STAG1: variants seen among roughly 807,000 people sequenced by gnomAD.
The protein encoded by STAG1 is STAG1 cohesin complex component.
STAG1 carries 26 observed loss-of-function variants against 170.9 expected under a neutral mutation model. That is an observed-to-expected ratio of 0.15 (90% CI 0.11 to 0.21). STAG1 has a LOEUF of 0.21. STAG1 is among the 10% of genes least tolerant of loss of function. The pLI, the probability that STAG1 is intolerant of heterozygous loss-of-function variation, is 1.00. For missense variants in STAG1, 964 were observed against 1,509.5 expected (o/e 0.64, Z 5.99); for synonymous variants, 514 against 497.7 (o/e 1.03, Z -0.44).
chr3:136,528,503 C>CCG (rs1553740667), intron 6 of STAG1, among the ~76,000 whole-genome samples: 2 of 125,278 alleles, frequency 1.6e-5, no homozygotes, highest in South Asian at 2.2e-4. Context: ...CACCCCCCCC[C>CCG]CCAAAAAATC....
At chr3:136,492,307 A>G (rs542977196) in intron 9 of STAG1, among the ~76,000 whole-genome samples, 27 of 152,374 alleles carry the variant, frequency 1.8e-4, no homozygotes, top group Admixed American at 1.8e-3. Context: ...CTGATTAAAT[A>G]AAATGTAAAT....
intron 1 of STAG1, among the ~76,000 whole-genome samples, chr3:136,652,120 T>C (rs756556088): frequency 3.3e-5 from 5 of 152,158 alleles, no homozygotes; most frequent in African/African-American, 4.8e-5. Context: ...AAAAAGTAAA[T>C]GTGTTTTCAT....
At chr3:136,433,800 A>T (rs1559798908) in intron 15 of STAG1, 141 bp from the exon 16 acceptor site, 14 of 503,998 alleles carry the variant, frequency 2.8e-5, no homozygotes, top group Non-Finnish European at 6.8e-6. Context: ...GTACTTTGCT[A>T]TTTTTTTTTT....
chr3:136,610,310 C>T (rs1360663857), intron 3 of STAG1, among the ~76,000 whole-genome samples: 1 of 152,170 alleles, frequency 6.6e-6, no homozygotes, highest in East Asian at 1.9e-4. Flanking sequence ...GCTGGGATTA[C>T]AGGTGTAAGC....
chr3:136,664,952 G>C (rs1941705223), intron 1 of STAG1, among the ~76,000 whole-genome samples: 1 of 152,178 alleles, frequency 6.6e-6, no homozygotes, highest in Admixed American at 6.5e-5. Flanking sequence ...CAAGCCCAGA[G>C]GGTGAAACTG....
At chr3:136,737,179 T>C (rs1483330609) in intron 1 of STAG1, 2 of 741,046 alleles carry the variant, frequency 2.7e-6, no homozygotes, top group Non-Finnish European at 5.0e-6. Context: ...TAGAAGGTCA[T>C]AAATGCTGCC....
chr3:136,370,365 ATAT>A (rs1489253759), intron 23 of STAG1, among the ~76,000 whole-genome samples: 1 of 151,796 alleles, frequency 6.6e-6, no homozygotes. Flanking sequence ...TTTTATTATT[ATAT>A]TATTATTATA....
At chr3:136,665,430 T>C (rs1019435658) in intron 1 of STAG1, among the ~76,000 whole-genome samples, 3 of 152,116 alleles carry the variant, frequency 2.0e-5, no homozygotes, top group Non-Finnish European at 4.4e-5. Flanking sequence ...GACTTTAAAA[T>C]AAGGCAGTTA....
intron 22 of STAG1, among the ~76,000 whole-genome samples, chr3:136,383,838 C>A (rs2108316929): frequency 6.6e-6 from 1 of 151,544 alleles, no homozygotes; most frequent in African/African-American, 2.4e-5. Flanking sequence ...GCCTGTAGTC[C>A]TAGCTACTCG....
chr3:136,443,444 T>C, intron 14 of STAG1, 40 bp from the exon 15 acceptor site: 2 of 1,315,178 alleles, frequency 1.5e-6, no homozygotes, highest in Non-Finnish European at 2.2e-6. Context: ...GAATATTTAA[T>C]AAAGAAACTA....
At position 136,463,735 on chromosome 3, in the gene STAG1, A is replaced by ATGTGTGTGTGTGTG. The variant is rs140989476; in HGVS notation, c.1313+1132_1313+1145dup. Among the ~76,000 whole-genome samples the ATGTGTGTGTGTGTG allele has an allele frequency of 4.1e-3, 411 of 101,204 alleles. 2 individuals carry two copies. The highest frequency in any genetic ancestry group is 0.016 in the East Asian group (24 of 1,482). The allele number at this position is 101,204 out of a possible 152,430, so 66.4% of individuals were successfully genotyped here. ...TCTCTAAAAAAAAAAAAATGTGTAT[A>ATGTGTGTGTGTGTG]TGTGTGTGTGTGTGTGTGTGTGTGT... On this transcript the variant is annotated intron_variant, in intron 13 of 33. Transcript: ENST00000383202.
intron 22 of STAG1, 73 bp downstream of exon 22, chr3:136,398,676 G>A (rs1482987633): frequency 2.7e-6 from 2 of 748,848 alleles, no homozygotes; most frequent in Non-Finnish European, 2.0e-6. Flanking sequence ...ACTGATAATA[G>A]TAAATTATTA....
At chr3:136,508,259 A>G (rs1325894823) in intron 7 of STAG1, among the ~76,000 whole-genome samples, 3 of 152,194 alleles carry the variant, frequency 2.0e-5, no homozygotes, top group Non-Finnish European at 4.4e-5. Flanking sequence ...GATATTTTGT[A>G]TGGTTAACAC....
intron 5 of STAG1, among the ~76,000 whole-genome samples, chr3:136,562,362 G>A (rs1404192066): frequency 2.0e-5 from 3 of 151,562 alleles, no homozygotes; most frequent in Admixed American, 1.3e-4. Flanking sequence ...CTGGGCTCAC[G>A]CGATTCTCCT....
At chr3:136,589,726 T>G (rs1356789492) in intron 4 of STAG1, among the ~76,000 whole-genome samples, 1 of 145,660 alleles carries the variant, frequency 6.9e-6, no homozygotes, top group Non-Finnish European at 1.5e-5. Flanking sequence ...AGGTCAGGAG[T>G]TCAAGACCAA....
At chr3:136,528,523 T>C (rs941113862) in intron 6 of STAG1, among the ~76,000 whole-genome samples, 7 of 111,094 alleles carry the variant, frequency 6.3e-5, no homozygotes, top group African/African-American at 2.5e-4. Context: ...CACTAAGTCC[T>C]GGAAAAGGAA....
chr3:136,369,557 T>C (rs1937212020), intron 23 of STAG1, among the ~76,000 whole-genome samples: 1 of 152,178 alleles, frequency 6.6e-6, no homozygotes, highest in Admixed American at 6.6e-5. Context: ...ATAGTTTGAC[T>C]TGAACTTTTA....
intron 1 of STAG1, among the ~76,000 whole-genome samples, chr3:136,738,401 G>A (rs978794880): frequency 7.9e-5 from 12 of 152,332 alleles, no homozygotes; most frequent in African/African-American, 2.2e-4. Flanking sequence ...TGACGAAGTA[G>A]AAACGCTTGA....
At chr3:136,701,217 T>G (rs1028798587) in intron 1 of STAG1, among the ~76,000 whole-genome samples, 1 of 152,156 alleles carries the variant, frequency 6.6e-6, no homozygotes, top group African/African-American at 2.4e-5. Flanking sequence ...TGACAATCCC[T>G]ACCTTGATTT....
Sources: gnomAD v4.1 joint callset for allele counts (sites outside exome capture counted in the v4.1 genomes callset) on GRCh38, gnomAD v4.1.1 for gene constraint, MANE v1.5 for transcripts, NCBI Gene and HGNC (gene_info 2026-07-23, HGNC 2026-07-21) for gene names.